The following ING5 variants were observed in gnomAD, a reference collection of about 807,000 sequenced individuals.
ING5 encodes inhibitor of growth family member 5.
In ING5, 17 loss-of-function variants were observed where a neutral mutation model predicts 37.4. The ratio of observed to expected loss-of-function variants is 0.45; its 90% CI spans 0.31 to 0.68. ING5 has a LOEUF of 0.68. Ranked by LOEUF, ING5 falls within the 30% of genes least tolerant of loss-of-function variation. The pLI, the probability that ING5 is intolerant of heterozygous loss-of-function variation, is 0.05. For missense variants in ING5, 233 were observed against 311.9 expected (o/e 0.75, Z 1.91); for synonymous variants, 123 against 116.6 (o/e 1.06, Z -0.36).
rs62191961 is a variant in ING5 at position 241,728,478 on chromosome 2, T to A, written c.*3447T>A. ...TTGACCTCGATGGGAAGGAGCGTTC[T>A]ACCCATTTTCCTTGTTTTCAGTGCT... On this transcript the variant is annotated 3_prime_UTR_variant, in exon 8 of 8. Coordinates refer to ENST00000313552, the MANE Select transcript of ING5 (RefSeq NM_032329.6). 2 of 152,446 alleles carry A rather than the reference T, an allele frequency of 1.3e-5. No homozygotes were observed. The highest frequency in any genetic ancestry group is 3.9e-4 in the East Asian group (2 of 5,176). The allele number at this position is 152,446 out of a possible 1,614,324, so 9.4% of individuals were successfully genotyped here.
exon 1 of ING5, chr2:241,687,557 T>C (rs1293215142): frequency 5.2e-6 from 2 of 381,414 alleles, no homozygotes; most frequent in Non-Finnish European, 9.3e-6. Context: ...AGACAGAGTC[T>C]CGCTCTGTCA....
chr2:241,691,666 G>C (rs2069558975), intron 2 of ING5, among the ~76,000 whole-genome samples: 1 of 152,164 alleles, frequency 6.6e-6, no homozygotes, highest in Non-Finnish European at 1.5e-5. Flanking sequence ...CCTGGTACGG[G>C]CTGTCTTTTA....
intron 7 of ING5, chr2:241,724,002 CCT>C: frequency 7.4e-7 from 1 of 1,345,644 alleles, no homozygotes; most frequent in Non-Finnish European, 9.8e-7. Flanking sequence ...AGAGCAAGAC[CCT>C]GTCTCAAATA....
chr2:241,692,588 C>T (rs908440968), intron 2 of ING5, among the ~76,000 whole-genome samples: 1 of 152,028 alleles, frequency 6.6e-6, no homozygotes, highest in African/African-American at 2.4e-5. Context: ...AGGCATGAGC[C>T]ACCACGCCCA....
intron 5 of ING5, chr2:241,720,651 G>A (rs954752874): frequency 5.1e-6 from 5 of 985,540 alleles, no homozygotes; most frequent in South Asian, 4.7e-5. Flanking sequence ...GGAAGCCATC[G>A]GGGCCGGGCG....
chr2:241,692,437 T>C (rs967544781), intron 2 of ING5, among the ~76,000 whole-genome samples: 2 of 151,890 alleles, frequency 1.3e-5, no homozygotes, highest in African/African-American at 4.8e-5. Flanking sequence ...GCATCTGAAG[T>C]ATCTGGAACT....
In ING5 at chr2:241,709,060, G is replaced by T; in HGVS notation, c.110-156G>T. On this transcript the variant is annotated intron_variant, in intron 2 of 7. Transcript: ENST00000313552. ...GATCCCAGACTGTTTGTGCAGAACG[G>T]TTCTGCCCACTTGCGCTCCCACCAG... 3 of 746,800 alleles carry T rather than the reference G, an allele frequency of 4.0e-6. No homozygotes were observed. The South Asian group carries it at 5.3e-5, about 13-fold the overall frequency. 46.3% of individuals were successfully genotyped at this position (746,800 alleles called of 1,614,324 possible). A position where few individuals can be genotyped will look rare whatever the true frequency, so the allele number is the denominator to read the frequency against.
intron 5 of ING5, among the ~76,000 whole-genome samples, chr2:241,712,778 C>T (rs2070149591): frequency 6.6e-6 from 1 of 152,112 alleles, no homozygotes; most frequent in Non-Finnish European, 1.5e-5. Context: ...ATAATTCCCG[C>T]ACTTTGGGAG....
At chr2:241,721,411 C>A (rs1467886535) in intron 5 of ING5, 8 of 985,432 alleles carry the variant, frequency 8.1e-6, no homozygotes, top group Non-Finnish European at 9.6e-6. Context: ...GAGCAGATTA[C>A]CTGCAAAGGA....
At chr2:241,694,983 G>T (rs571856912) in intron 2 of ING5, among the ~76,000 whole-genome samples, 1 of 141,672 alleles carries the variant, frequency 7.1e-6, no homozygotes, top group South Asian at 2.4e-4. Flanking sequence ...TTGCGCCACC[G>T]CACTCCAGCC....
upstream of ING5, among the ~76,000 whole-genome samples, chr2:241,701,587 G>C (rs1030729694): frequency 2.6e-5 from 4 of 152,112 alleles, no homozygotes; most frequent in African/African-American, 9.7e-5. Context: ...CGGGGGAAAG[G>C]CGCTGAGCCA....
At chr2:241,723,761 A>G (rs1466492864) in intron 7 of ING5, 3 of 1,598,204 alleles carry the variant, frequency 1.9e-6, no homozygotes, top group Non-Finnish European at 1.7e-6. Flanking sequence ...CCCCTTGGCA[A>G]TGGCAACTTT....
chr2:241,723,954 G>GA, intron 7 of ING5: 1 of 1,266,958 alleles, frequency 7.9e-7, no homozygotes, highest in Non-Finnish European at 1.1e-6. Flanking sequence ...AGGCTTCAGT[G>GA]AGCTGAGATC....
chr2:241,699,041 G>A (rs368302439), upstream of ING5, among the ~76,000 whole-genome samples: 4 of 126,988 alleles, frequency 3.1e-5, no homozygotes, highest in African/African-American at 1.2e-4. Flanking sequence ...TTTTTTTTGG[G>A]GGGGGAGGGG....
At chr2:241,720,389 C>G in intron 5 of ING5, 1 of 1,163,284 alleles carries the variant, frequency 8.6e-7, no homozygotes, top group Non-Finnish European at 1.1e-6. Context: ...GTGGACTGCC[C>G]TCTTCAGGCC....
intron 7 of ING5, chr2:241,723,994 A>G: frequency 2.2e-6 from 3 of 1,333,794 alleles, no homozygotes; most frequent in Non-Finnish European, 2.0e-6. Context: ...TGGGCGAGAG[A>G]GCAAGACCCT....
Position 241,725,414 on chromosome 2 carries a change from C to T in ING5, c.*383C>T, listed in dbSNP as rs1358486183. 5 of 193,572 alleles carry T rather than the reference C, an allele frequency of 2.6e-5. No individual in the cohort carries two copies. Among genetic ancestry groups the T allele is most frequent in the Admixed American group, 6.0e-5 (1 of 16,654 alleles). The allele number at this position is 193,572 out of a possible 1,614,324, so 12.0% of individuals were successfully genotyped here. A position where few individuals can be genotyped will look rare whatever the true frequency, so the allele number is the denominator to read the frequency against. Reference sequence around the variant, plus strand: ...TTTCCTGTGGTTTTCCAGGACTGTCCGGTACAGCCCGGGCTCCGCGTGCCC... The same window carrying T: ...TTTCCTGTGGTTTTCCAGGACTGTCTGGTACAGCCCGGGCTCCGCGTGCCC... On this transcript the variant is annotated 3_prime_UTR_variant, in exon 8 of 8. Transcript: ENST00000313552.
chr2:241,699,548 C>T (rs755477561), upstream of ING5, among the ~76,000 whole-genome samples: 5 of 151,990 alleles, frequency 3.3e-5, no homozygotes, highest in African/African-American at 7.3e-5. Context: ...GGTGATCATA[C>T]GGATTTGAGT....
Position 241,727,996 on chromosome 2 carries a change from A to G in ING5, c.*2965A>G, listed in dbSNP as rs1429668763. ...CAAGTTTCTGTGCTTAGTGTTTTTAATGTTTACTTTTGCCACTTACAATAA... is the reference window on the plus strand; with the variant it reads ...CAAGTTTCTGTGCTTAGTGTTTTTAGTGTTTACTTTTGCCACTTACAATAA... On this transcript the variant is annotated 3_prime_UTR_variant, in exon 8 of 8. Transcript: ENST00000313552. The G allele has an allele frequency of 6.6e-6, 1 of 152,236 alleles. No individual in the cohort carries two copies. The highest frequency in any genetic ancestry group is 3.2e-3 in the Middle Eastern group (1 of 316). 9.4% of individuals were successfully genotyped at this position (152,236 alleles called of 1,614,324 possible).
Sources: allele counts gnomAD v4.1 joint callset (sites outside exome capture counted in the v4.1 genomes callset), GRCh38; gene constraint gnomAD v4.1.1; transcripts MANE v1.5; gene names NCBI Gene and HGNC (gene_info 2026-07-23, HGNC 2026-07-21).